KCNT2: variants seen among roughly 807,000 people sequenced by gnomAD.
KCNT2 encodes the protein potassium channel subfamily T member 2.
Under a neutral mutation model 153.8 loss-of-function variants are expected in KCNT2, and 67 were observed. The ratio of observed to expected loss-of-function variants is 0.44; its 90% CI spans 0.36 to 0.53. The LOEUF is 0.53. Ranked by LOEUF, KCNT2 falls within the 20% of genes least tolerant of loss-of-function variation. The pLI is 0.00. For missense variants in KCNT2, 975 were observed against 1,354.8 expected (o/e 0.72, Z 4.40); for synonymous variants, 500 against 458.8 (o/e 1.09, Z -1.15).
chr1:196,228,160 C>T lies in KCNT2; in HGVS notation c.*64G>A. 1.2e-6 allele frequency: 1 copy of T among 865,754 alleles called. No individual in the cohort carries two copies. Among genetic ancestry groups the T allele is most frequent in the Non-Finnish European group, 1.9e-6 (1 of 525,618 alleles). 53.6% of individuals were successfully genotyped at this position (865,754 alleles called of 1,614,324 possible). The stretch of plus-strand genomic sequence containing the variant: ...TATTTCCATCTAGTTTCTTTCGTGC[C>T]AGCAAAACTTTTGTGGTTTCAAGCA... On this transcript the variant is annotated 3_prime_UTR_variant, in exon 28 of 28. Transcript: ENST00000294725.
intron 9 of KCNT2, among the ~76,000 whole-genome samples, 176 bp from the exon 10 acceptor site, chr1:196,428,445 C>A (rs1673843716): frequency 6.6e-6 from 1 of 152,004 alleles, no homozygotes; most frequent in African/African-American, 2.4e-5. Context: ...ACAGAGGCTG[C>A]AAATGTCTCC....
rs755603685 is a variant in KCNT2 at position 196,467,700 on chromosome 1, T to C, written c.543+3A>G. The C allele has an allele frequency of 6.3e-7, 1 of 1,574,956 alleles. No homozygotes were observed. Among genetic ancestry groups the C allele is most frequent in the East Asian group, 2.2e-5 (1 of 44,538 alleles). On this transcript the variant is annotated splice_donor_region_variant and intron_variant, in intron 7 of 27. Transcript: ENST00000294725. ...CATATTTGCACTTTAATTCTATACT[T>C]ACAATCATATTTTCCAAGGCATGTT...
chr1:196,310,453 A>G (rs1179078583), intron 21 of KCNT2, among the ~76,000 whole-genome samples: 3 of 151,946 alleles, frequency 2.0e-5, no homozygotes, highest in African/African-American at 7.2e-5. Context: ...GTATTCAAAA[A>G]TCTTATCCAT....
chr1:196,444,095 TAA>T (rs903139808), intron 8 of KCNT2, among the ~76,000 whole-genome samples: 9 of 151,328 alleles, frequency 5.9e-5, no homozygotes, highest in African/African-American at 1.7e-4. Context: ...GCAAAAAACA[TAA>T]GAGAGAGAGA....
chr1:196,452,594 GTC>G (rs1451882942), intron 8 of KCNT2, among the ~76,000 whole-genome samples: 1 of 151,936 alleles, frequency 6.6e-6, no homozygotes, highest in African/African-American at 2.4e-5. Context: ...GAAATTTCCT[GTC>G]TGTCTTGTCA....
At chr1:196,235,367 A>G (rs1027934591) in intron 27 of KCNT2, among the ~76,000 whole-genome samples, 4 of 151,452 alleles carry the variant, frequency 2.6e-5, no homozygotes, top group Non-Finnish European at 4.4e-5. Flanking sequence ...CTATTAATTC[A>G]GAAAAGCACT....
chr1:196,390,622 G>C (rs190405405), intron 13 of KCNT2, among the ~76,000 whole-genome samples: 80 of 151,014 alleles, frequency 5.3e-4, no homozygotes, highest in Admixed American at 2.3e-3. Context: ...ATTTCCCCTA[G>C]AGTTATTTTT....
At chr1:196,531,268 C>T (rs916276412) in intron 1 of KCNT2, among the ~76,000 whole-genome samples, 1 of 152,038 alleles carries the variant, frequency 6.6e-6, no homozygotes, top group Non-Finnish European at 1.5e-5. Flanking sequence ...ATTCTCATAG[C>T]AGAATCCCCT....
chr1:196,356,850 C>T lies in KCNT2; in HGVS notation c.1404-14622G>A, dbSNP rs117231818. On this transcript the variant is annotated intron_variant, in intron 14 of 27. Transcript: ENST00000294725. ...ATTGGTTGTTGGATGTCTACTGAAC[C>T]GCAAATTCGAAGAAAACAATTCAAA... Among the ~76,000 whole-genome samples the T allele has an allele frequency of 7.4e-3, 1,118 of 151,580 alleles. 36 individuals carry two copies. In the South Asian group the frequency reaches 0.076, roughly 10 times the overall value.
chr1:196,561,651 T>TCAAAAAAAAAAAAAAAAAAAA (rs1558079792), intron 1 of KCNT2, among the ~76,000 whole-genome samples: 1 of 1,916 alleles, frequency 5.2e-4, no homozygotes, highest in Non-Finnish European at 2.2e-3. Context: ...AGACTTCATC[T>TCAAAAAAAAAAAAAAAAAAAA]CAAAAAAAAA....
chr1:196,333,094 GTTTTT>G (rs199829441), intron 17 of KCNT2, among the ~76,000 whole-genome samples: 1 of 141,784 alleles, frequency 7.1e-6, no homozygotes, highest in East Asian at 2.1e-4. Flanking sequence ...CCAGCTGCAA[GTTTTT>G]TTTTTTTTTT....
intron 4 of KCNT2, among the ~76,000 whole-genome samples, chr1:196,479,677 C>G (rs1359156311): frequency 6.6e-6 from 1 of 152,124 alleles, no homozygotes; most frequent in African/African-American, 2.4e-5. Context: ...TTCCTAAGTG[C>G]TGGGATTACA....
intron 14 of KCNT2, among the ~76,000 whole-genome samples, chr1:196,343,771 T>G (rs1327662513): frequency 1.3e-5 from 2 of 151,950 alleles, no homozygotes; most frequent in African/African-American, 4.8e-5. Context: ...TTTGTTTTGT[T>G]TTTATTTTTA....
At chr1:196,551,573 A>G (rs192617267) in intron 1 of KCNT2, among the ~76,000 whole-genome samples, 74 of 151,850 alleles carry the variant, frequency 4.9e-4, no homozygotes, top group African/African-American at 1.6e-3. Flanking sequence ...ACTTTCTTCT[A>G]TTCCTTAGAG....
intron 1 of KCNT2, among the ~76,000 whole-genome samples, chr1:196,504,498 G>C (rs1235449124): frequency 1.3e-5 from 2 of 151,962 alleles, no homozygotes; most frequent in Admixed American, 1.3e-4. Context: ...TGGACATTTG[G>C]CTTGGTTCCA....
chr1:196,517,780 A>T (rs982659270), intron 1 of KCNT2, among the ~76,000 whole-genome samples: 26 of 152,360 alleles, frequency 1.7e-4, no homozygotes, highest in Admixed American at 1.3e-3. Context: ...TAAAGAGGCT[A>T]AATAGATGAG....
intron 1 of KCNT2, among the ~76,000 whole-genome samples, chr1:196,520,156 G>A (rs1653160565): frequency 1.3e-5 from 2 of 152,048 alleles, no homozygotes. Flanking sequence ...TTTAACGTAT[G>A]TAAATCAATA....
chr1:196,449,170 A>G (rs1675943063), intron 8 of KCNT2, among the ~76,000 whole-genome samples: 1 of 151,722 alleles, frequency 6.6e-6, no homozygotes. Flanking sequence ...TCAATTGTCA[A>G]TATTAAAGAT....
At chr1:196,291,343 AG>A (rs1660165957) in intron 22 of KCNT2, among the ~76,000 whole-genome samples, 1 of 151,792 alleles carries the variant, frequency 6.6e-6, no homozygotes, top group Non-Finnish European at 1.5e-5. Context: ...CCTTACAGAG[AG>A]GAAAAAAAGA....
Sources: gnomAD v4.1 joint callset for allele counts (sites outside exome capture counted in the v4.1 genomes callset) on GRCh38, gnomAD v4.1.1 for gene constraint, MANE v1.5 for transcripts, NCBI Gene and HGNC (gene_info 2026-07-23, HGNC 2026-07-21) for gene names.